CNTN5: variants seen among roughly 807,000 people sequenced by gnomAD.
The protein encoded by CNTN5 is contactin-5.
In CNTN5, 77 loss-of-function variants were observed where a neutral mutation model predicts 129.1. That is an observed-to-expected ratio of 0.60 (90% confidence interval 0.50 to 0.72). The LOEUF (loss-of-function observed/expected upper bound fraction) is 0.72. CNTN5 is among the 30% of genes least tolerant of loss of function. CNTN5 has a pLI of 0.00. For synonymous variants in CNTN5, 509 were observed against 465.6 expected, an observed-to-expected ratio of 1.09 and a Z score of -1.20; for missense variants, 1,478 against 1,328.8, an observed-to-expected ratio of 1.11 and a Z score of -1.75.
At chr11:100,101,147 G>A (rs1442326651) in intron 13 of CNTN5, among the ~76,000 whole-genome samples, 1 of 152,036 alleles carries the variant, frequency 6.6e-6, no homozygotes, top group African/African-American at 2.4e-5. Flanking sequence ...TTAGAATACA[G>A]GATAAAAATG....
intron 2 of CNTN5, among the ~76,000 whole-genome samples, chr11:99,403,632 T>G (rs1941933730): frequency 2.0e-5 from 3 of 152,174 alleles, no homozygotes; most frequent in Admixed American, 6.5e-5. Context: ...TTCAGGAGCA[T>G]ATTGTTTAAT....
intron 24 of CNTN5, among the ~76,000 whole-genome samples, chr11:100,351,731 T>C (rs1952419425): frequency 6.7e-6 from 1 of 150,318 alleles, no homozygotes; most frequent in Admixed American, 6.7e-5. Context: ...TATGAGAACA[T>C]TATGAAACAT....
chr11:100,095,966 CATG>C (rs1488292972), intron 13 of CNTN5, among the ~76,000 whole-genome samples: 1 of 151,910 alleles, frequency 6.6e-6, no homozygotes, highest in Non-Finnish European at 1.5e-5. Flanking sequence ...GCAAAGAAAC[CATG>C]ATATGTGCTG....
intron 1 of CNTN5, among the ~76,000 whole-genome samples, chr11:99,155,752 CAAGAATAAAGAAAT>C (rs1335110584): frequency 6.6e-6 from 1 of 151,678 alleles, no homozygotes; most frequent in Non-Finnish European, 1.5e-5. Context: ...CAATAACATT[CAAGAATAAAGAAAT>C]ATGTCAACTG....
intron 1 of CNTN5, among the ~76,000 whole-genome samples, chr11:99,217,800 A>G (rs1591372898): frequency 6.6e-6 from 1 of 152,072 alleles, no homozygotes; most frequent in Non-Finnish European, 1.5e-5. Flanking sequence ...CATAAGGCCA[A>G]TCCTTCTGCT....
chr11:99,719,516 G>A (rs1943095792), intron 3 of CNTN5, among the ~76,000 whole-genome samples: 1 of 151,948 alleles, frequency 6.6e-6, no homozygotes, highest in Non-Finnish European at 1.5e-5. Context: ...AGATTTTGAG[G>A]CAATGAATTA....
chr11:99,973,093 G>T (rs1937688064), intron 8 of CNTN5, among the ~76,000 whole-genome samples: 1 of 152,000 alleles, frequency 6.6e-6, no homozygotes, highest in Non-Finnish European at 1.5e-5. Flanking sequence ...GTGTTGGAGG[G>T]AATCTCACTA....
intron 1 of CNTN5, among the ~76,000 whole-genome samples, chr11:99,095,752 A>T (rs1459678832): frequency 6.6e-6 from 1 of 151,880 alleles, no homozygotes; most frequent in Non-Finnish European, 1.5e-5. Context: ...TAGTTTGGAT[A>T]AAGATTTAGC....
intron 1 of CNTN5, among the ~76,000 whole-genome samples, chr11:99,216,324 G>T (rs547250204): frequency 6.6e-6 from 1 of 152,004 alleles, no homozygotes; most frequent in African/African-American, 2.4e-5. Context: ...GCAAATGACC[G>T]GATTTCATTC....
chr11:99,266,929 C>T (rs988694486), intron 1 of CNTN5, among the ~76,000 whole-genome samples: 4 of 151,898 alleles, frequency 2.6e-5, no homozygotes, highest in African/African-American at 9.7e-5. Flanking sequence ...AGTCCAAGTG[C>T]TCTGGCATCT....
At chr11:99,707,481 A>G (rs961130404) in intron 3 of CNTN5, among the ~76,000 whole-genome samples, 1 of 151,732 alleles carries the variant, frequency 6.6e-6, no homozygotes, top group African/African-American at 2.4e-5. Flanking sequence ...CTTGTGCATT[A>G]ATTCGTAAAA....
At chr11:99,926,784 G>A (rs1425829427) in intron 7 of CNTN5, among the ~76,000 whole-genome samples, 1 of 151,888 alleles carries the variant, frequency 6.6e-6, no homozygotes, top group Non-Finnish European at 1.5e-5. Context: ...TCTTTATTCT[G>A]TGAGAGTTTA....
rs183947933 is a variant in CNTN5, at chr11:99,562,270, A to G, written c.55+6001A>G. 2.5e-3 allele frequency among the ~76,000 whole-genome samples: 375 copies of G among 152,238 alleles called. 2 individuals are homozygous for G. The highest frequency in any genetic ancestry group is 8.5e-3 in the African/African-American group (353 of 41,558). On this transcript the variant is annotated intron_variant, in intron 3 of 24. Coordinates refer to ENST00000524871, the MANE Select transcript of CNTN5 (RefSeq NM_014361.4). ...CACTTTTTTTTCCTTTCTATTAAAA[A>G]GCAATGATGTTGAAACCTAAAGTTT...
chr11:100,268,457 G>C (rs1444320145), intron 17 of CNTN5, among the ~76,000 whole-genome samples: 1 of 151,934 alleles, frequency 6.6e-6, no homozygotes, highest in Non-Finnish European at 1.5e-5. Context: ...TGAGGTAAAA[G>C]GAAAACCAAA....
intron 17 of CNTN5, among the ~76,000 whole-genome samples, chr11:100,270,867 A>G (rs1950395092): frequency 6.6e-6 from 1 of 152,204 alleles, no homozygotes; most frequent in Admixed American, 6.5e-5. Flanking sequence ...AGATAAAATG[A>G]AAGAGTCCTA....
At chr11:99,619,181 T>TAATC (rs10626792) in intron 3 of CNTN5, among the ~76,000 whole-genome samples, 68,343 of 151,796 alleles carry the variant, frequency 0.45, 15,795 homozygotes, top group Admixed American at 0.59. Context: ...AGTTTTTTGT[T>TAATC]AAAACAAAAA....
At chr11:99,538,977 T>C (rs1041996124) in intron 2 of CNTN5, among the ~76,000 whole-genome samples, 3 of 152,050 alleles carry the variant, frequency 2.0e-5, no homozygotes, top group Non-Finnish European at 4.4e-5. Flanking sequence ...CTCCATGTAA[T>C]ATGTAAACCC....
intron 3 of CNTN5, among the ~76,000 whole-genome samples, chr11:99,653,182 G>C (rs1264850015): frequency 1.3e-5 from 2 of 151,936 alleles, no homozygotes; most frequent in African/African-American, 4.8e-5. Context: ...TTACTAATTT[G>C]TTCAAGTTAC....
chr11:100,008,895 A>G (rs1940348027), intron 9 of CNTN5, among the ~76,000 whole-genome samples: 1 of 152,004 alleles, frequency 6.6e-6, no homozygotes, highest in South Asian at 2.1e-4. Context: ...GTTCATTGTG[A>G]TTTCTCTTGG....
Sources: gnomAD v4.1 joint callset for allele counts (sites outside exome capture counted in the v4.1 genomes callset) on GRCh38, gnomAD v4.1.1 for gene constraint, MANE v1.5 for transcripts, NCBI Gene and HGNC (gene_info 2026-07-23, HGNC 2026-07-21) for gene names.